NUMA1: variants seen among roughly 807,000 people sequenced by gnomAD.
NUMA1 encodes SP-H antigen.
A neutral mutation model predicts 237.1 loss-of-function variants in NUMA1; 62 were observed. The ratio of observed to expected loss-of-function variants is 0.26; its 90% CI spans 0.21 to 0.32. The LOEUF (loss-of-function observed/expected upper bound fraction) is 0.32, where lower values mean the gene tolerates loss of function less well. Ranked by LOEUF, NUMA1 falls within the 10% of genes least tolerant of loss-of-function variation. The pLI is 1.00. For missense variants in NUMA1, 2,533 were observed against 2,666.5 expected (o/e 0.95, Z 1.10); for synonymous variants, 1,028 against 1,066.1 (o/e 0.96, Z 0.70).
Position 72,009,063 on chromosome 11 carries a change from C to A in NUMA1, c.4962G>T (p.Arg1654=), listed in dbSNP as rs777180412. The change falls in exon 19 of 27, where the codon CGG becomes CGT. Residue 1654 remains arginine, a synonymous_variant. Coordinates refer to ENST00000393695, the MANE Select transcript of NUMA1 (RefSeq NM_006185.4). ...ENKELRAEAE[R]LGHELQQAGL... ...CAGCCTGCTGTAGCTCATGGCCCAGCCGTTCAGCTTCAGCTCGCAGCTCTT... is the reference window on the plus strand; with the variant it reads ...CAGCCTGCTGTAGCTCATGGCCCAGACGTTCAGCTTCAGCTCGCAGCTCTT... The A allele has an allele frequency of 1.2e-6, 2 of 1,613,740 alleles. No homozygotes were observed. Among genetic ancestry groups the A allele is most frequent in the Non-Finnish European group, 8.5e-7 (1 of 1,180,022 alleles).
intron 1 of NUMA1, among the ~76,000 whole-genome samples, chr11:72,071,963 T>TTTAGGTA (rs747000756): frequency 4.4e-4 from 67 of 152,192 alleles, no homozygotes; most frequent in Non-Finnish European, 9.3e-4. Context: ...CACTCATTAC[T>TTTAGGTA]TTAGGTATCT....
chr11:72,004,791 G>A lies in NUMA1; in HGVS notation c.5855C>T (p.Thr1952Ile). ...GTCTCCAGTTTTCATCTCCTCATCT[G>A]TGATGGTGCCCAGGCTCAGGGAAGG... ...SRPSLSLGTI[T>I]DEEMKTGDPQ... Residue 1952 changes from threonine (T) to isoleucine (I), a missense_variant, in exon 24 of 27, where the codon ACA becomes ATA. Thr to Ile is a moderately conservative substitution (Grantham distance 89, BLOSUM62 -1). This residue lies in a region of NUMA1 where 795 missense variants were observed against 750.8 expected (regional missense o/e 1.06). Transcript: ENST00000393695. The A allele has an allele frequency of 1.3e-6, 2 of 1,588,418 alleles. No individual in the cohort carries two copies. The highest frequency in any genetic ancestry group is 1.7e-6 in the Non-Finnish European group (2 of 1,167,814).
At chr11:72,008,867 G>A (rs749482581) in intron 19 of NUMA1, 22 bp from the exon 20 acceptor site, 81 of 1,613,772 alleles carry the variant, frequency 5.0e-5, no homozygotes, top group Non-Finnish European at 5.8e-5. Flanking sequence ...AGGGCCAGGG[G>A]GAGAGTGAAG....
chr11:72,006,256 T>C lies in NUMA1; in HGVS notation c.5471A>G (p.Asp1824Gly). 1.2e-6 allele frequency: 2 copies of C among 1,613,780 alleles called. No individual in the cohort carries two copies. The highest frequency in any genetic ancestry group is 1.7e-6 in the Non-Finnish European group (2 of 1,179,710). Residue 1824 changes from aspartate to glycine, a missense_variant, in exon 22 of 27, where the codon GAT (aspartate) becomes GGT (glycine). This residue lies in a region of NUMA1 where 795 missense variants were observed against 750.8 expected (regional missense o/e 1.06). Transcript: ENST00000393695. ...GTTGGCGCTGTCTGGCTCTTCCACA[T>C]CTAGCTTCTGGAAGACAGAGTGAAT... ...IINITMTKKL[D>G]VEEPDSANSS...
rs1938180247 is a variant in NUMA1, at chr11:72,018,285, C to A, written c.876G>T (p.Leu292=). 3 of 1,613,878 alleles carry A rather than the reference C, an allele frequency of 1.9e-6. No individual in the cohort carries two copies. In the African/African-American group the frequency reaches 4.0e-5, roughly 22 times the overall value. Reference sequence around the variant, plus strand: ...CCTGGCACTGCTTCAGGGTTTCATGCAGCCGCATGGTAAGGCTGCGAGGGA... The same window carrying A: ...CCTGGCACTGCTTCAGGGTTTCATGAAGCCGCATGGTAAGGCTGCGAGGGA... The part of the protein sequence containing the change: ...RDKNESLTMR[L]HETLKQCQDL... Residue 292 remains leucine (L), a synonymous_variant, in exon 12 of 27, where the codon CTG becomes CTT. Coordinates refer to ENST00000393695, the MANE Select transcript of NUMA1 (RefSeq NM_006185.4).
chr11:72,039,030 C>T (rs1279238113), intron 2 of NUMA1, among the ~76,000 whole-genome samples: 1 of 152,190 alleles, frequency 6.6e-6, no homozygotes, highest in Non-Finnish European at 1.5e-5. Flanking sequence ...CAAACTGACA[C>T]AATGCAGCTC....
intron 4 of NUMA1, among the ~76,000 whole-genome samples, chr11:72,028,137 A>T (rs1939813464): frequency 6.6e-6 from 1 of 152,230 alleles, no homozygotes; most frequent in African/African-American, 2.4e-5. Context: ...TGGCCCCGCT[A>T]GACCTTGCTG....
chr11:72,043,528 A>ATTTTT (rs34806999), intron 2 of NUMA1, among the ~76,000 whole-genome samples: 1 of 123,134 alleles, frequency 8.1e-6, no homozygotes, highest in Non-Finnish European at 1.6e-5. Flanking sequence ...TGCCTGGCTA[A>ATTTTT]TTTTTTTTTT....
chr11:72,003,160 A>G lies in NUMA1; in HGVS notation c.*367T>C, dbSNP rs1462258836. 1 of 307,784 alleles carries G rather than the reference A, an allele frequency of 3.2e-6. No homozygotes were observed. Among genetic ancestry groups the G allele is most frequent in the Non-Finnish European group, 6.1e-6 (1 of 163,246 alleles). 19.1% of individuals were successfully genotyped at this position (307,784 alleles called of 1,614,324 possible). Reference sequence around the variant, plus strand: ...ACCAGGACAGCAGGAACCAGGGCCTACTCCTCTTATGGTCCCTTCTAGATC... The same window carrying G: ...ACCAGGACAGCAGGAACCAGGGCCTGCTCCTCTTATGGTCCCTTCTAGATC... On this transcript the variant is annotated 3_prime_UTR_variant, in exon 27 of 27. Transcript: ENST00000393695.
intron 4 of NUMA1, chr11:72,024,779 G>C (rs1368635421): frequency 6.1e-6 from 1 of 164,770 alleles, no homozygotes; most frequent in African/African-American, 2.4e-5. Context: ...AAACATCCAA[G>C]AACTGAAAGA....
chr11:72,038,712 T>G (rs1941328060), intron 2 of NUMA1, among the ~76,000 whole-genome samples: 1 of 151,906 alleles, frequency 6.6e-6, no homozygotes, highest in African/African-American at 2.4e-5. Context: ...AACAGATCCT[T>G]GCGATTGTAG....
At chr11:72,030,060 C>T (rs187585808) in intron 3 of NUMA1, among the ~76,000 whole-genome samples, 312 of 152,090 alleles carry the variant, frequency 2.1e-3, no homozygotes, top group African/African-American at 7.3e-3. Context: ...GGGAGCCAAG[C>T]GCGGTGGCTC....
At chr11:72,033,364 GTTTT>G (rs58353057) in intron 3 of NUMA1, among the ~76,000 whole-genome samples, 4 of 144,708 alleles carry the variant, frequency 2.8e-5, no homozygotes, top group East Asian at 4.0e-4. Flanking sequence ...CATGTTCTTT[GTTTT>G]TTTTTTTTTT....
chr11:72,053,330 T>G (rs1313207959), intron 2 of NUMA1, among the ~76,000 whole-genome samples: 2 of 152,216 alleles, frequency 1.3e-5, no homozygotes, highest in African/African-American at 4.8e-5. Flanking sequence ...AATTTATCTT[T>G]CTCTTACTGC....
In NUMA1 at chr11:72,004,090, G is replaced by A. The variant is rs113245212; in HGVS notation, c.6133C>T (p.Arg2045Cys). The change falls in exon 26 of 27, where the codon CGC becomes TGC. Residue 2045 changes from arginine (R) to cysteine (C), a missense_variant. This residue lies in a region of NUMA1 where 795 missense variants were observed against 750.8 expected (regional missense o/e 1.06). Transcript: ENST00000393695. ...AGGATGCTGAAGGCCATCGACTGGCGCCGGTCAGCCTGCAAGGAAGGGCTG... is the reference window on the plus strand; with the variant it reads ...AGGATGCTGAAGGCCATCGACTGGCACCGGTCAGCCTGCAAGGAAGGGCTG... ...APASTKQADR[R>C]QSMAFSILNT... 31 of 1,612,810 alleles carry A rather than the reference G, an allele frequency of 1.9e-5. No individual in the cohort carries two copies. Among genetic ancestry groups the A allele is most frequent in the African/African-American group, 1.1e-4 (8 of 74,856 alleles).
chr11:72,074,137 T>C (rs1349161080), intron 1 of NUMA1, among the ~76,000 whole-genome samples: 2 of 151,334 alleles, frequency 1.3e-5, no homozygotes, highest in Admixed American at 6.6e-5. Flanking sequence ...GAGGTTGCAG[T>C]GAGCCAAGAT....
intron 4 of NUMA1, among the ~76,000 whole-genome samples, chr11:72,026,642 A>T (rs1565238615): frequency 1.3e-5 from 2 of 150,542 alleles, no homozygotes; most frequent in African/African-American, 2.4e-5. Flanking sequence ...CCCACAGCTT[A>T]TTTTTTTTTT....
At chr11:72,010,744 T>C in intron 17 of NUMA1, 42 bp downstream of exon 17, 2 of 1,577,696 alleles carry the variant, frequency 1.3e-6, no homozygotes, top group Non-Finnish European at 8.7e-7. Flanking sequence ...ATAGCTTCCC[T>C]CCCTTGTCCA....
intron 1 of NUMA1, among the ~76,000 whole-genome samples, chr11:72,075,385 G>A (rs1943663146): frequency 6.6e-6 from 1 of 152,146 alleles, no homozygotes; most frequent in Admixed American, 6.5e-5. Flanking sequence ...AACAGAAGTT[G>A]GTTCTTCCCA....
Sources: gnomAD v4.1 joint callset for allele counts (sites outside exome capture counted in the v4.1 genomes callset) on GRCh38, gnomAD v4.1.1 for gene constraint, gnomAD v4.1.1 regional missense constraint, MANE v1.5 for transcripts, NCBI Gene and HGNC (gene_info 2026-07-23, HGNC 2026-07-21) for gene names.